TUBGCP4: variants seen among roughly 807,000 people sequenced by gnomAD.
The protein encoded by TUBGCP4 is gamma-tubulin complex component 4.
A neutral mutation model predicts 91.6 loss-of-function variants in TUBGCP4; 54 were observed. The ratio of observed to expected loss-of-function variants is 0.59; its 90% CI spans 0.47 to 0.74. The LOEUF is 0.74. Ranked by LOEUF, TUBGCP4 falls within the 30% of genes least tolerant of loss-of-function variation. The pLI, the probability that TUBGCP4 is intolerant of heterozygous loss-of-function variation, is 0.00. For missense variants in TUBGCP4, 593 were observed against 800.9 expected, an observed-to-expected ratio of 0.74 and a Z score of 3.13; for synonymous variants, 297 against 302.8, an observed-to-expected ratio of 0.98 and a Z score of 0.20.
In TUBGCP4 at chr15:43,409,603, C is replaced by CA. The variant is rs754724534; in HGVS notation, c.*4389_*4390insA. On this transcript the variant is annotated 3_prime_UTR_variant, in exon 18 of 18. Coordinates refer to ENST00000564079, the MANE Select transcript of TUBGCP4 (RefSeq NM_014444.5). The stretch of plus-strand genomic sequence containing the variant: ...CTCTTCTCAACACAGCAAGTTGGCT[C>CA]TTATCATTGCCACTATATTAGGTTA... The CA allele has an allele frequency of 9.0e-7, 1 of 1,110,478 alleles. No individual in the cohort carries two copies. Among genetic ancestry groups the CA allele is most frequent in the South Asian group, 1.7e-5 (1 of 59,324 alleles). The allele number at this position is 1,110,478 out of a possible 1,614,324, so 68.8% of individuals were successfully genotyped here.
chr15:43,376,107 G>A lies in TUBGCP4; in HGVS notation c.88G>A (p.Asp30Asn). ...NKRSGLQVSQDFPFLHPSETS... is the reference protein window; with the variant it reads ...NKRSGLQVSQNFPFLHPSETS... ...GTTCCTCTTCCTGCAGGTATCGCAG[G>A]ACTTCCCTTTCCTCCACCCCAGTGA... The change falls in exon 2 of 18, where the codon GAC becomes AAC. Residue 30 changes from aspartate to asparagine, a missense_variant. Asp to Asn is a conservative substitution (Grantham distance 23). Coordinates refer to ENST00000564079, the MANE Select transcript of TUBGCP4 (RefSeq NM_014444.5). 6.2e-7 allele frequency: 1 copy of A among 1,613,494 alleles called. No individual in the cohort carries two copies.
At chr15:43,388,213 AACAG>A (rs1328567507) in intron 9 of TUBGCP4, among the ~76,000 whole-genome samples, 2 of 152,292 alleles carry the variant, frequency 1.3e-5, no homozygotes, top group African/African-American at 4.8e-5. Flanking sequence ...GGGTTTTTGA[AACAG>A]ACAGGACTAA....
Position 43,403,770 on chromosome 15 carries a change from G to A in TUBGCP4, c.1819G>A (p.Gly607Arg). Reference sequence around the variant, plus strand: ...GAACCTAGGCCCACTGGATGAGCGTGGAGCCGCCCAGCTGAGCATTCTCGT... The same window carrying A: ...GAACCTAGGCCCACTGGATGAGCGTAGAGCCGCCCAGCTGAGCATTCTCGT... ...SQNLGPLDER[G>R]AAQLSILVKG... Residue 607 changes from glycine (G) to arginine (R), a missense_variant, in exon 16 of 18, where the codon GGA becomes AGA. Gly to Arg is a moderately radical substitution (Grantham distance 125). Transcript: ENST00000564079. 6.2e-7 allele frequency: 1 copy of A among 1,613,918 alleles called. No homozygotes were observed. The highest frequency in any genetic ancestry group is 1.1e-5 in the South Asian group (1 of 91,052).
chr15:43,380,035 A>G (rs2044264391), intron 5 of TUBGCP4, 49 bp from the exon 6 acceptor site: 1 of 1,563,234 alleles, frequency 6.4e-7, no homozygotes, highest in East Asian at 2.2e-5. Context: ...TGTGTCTTGC[A>G]TGGACTCTTA....
At chr15:43,395,528 A>C in intron 10 of TUBGCP4, 55 bp from the exon 11 acceptor site, 1 of 1,251,210 alleles carries the variant, frequency 8.0e-7, no homozygotes, top group Non-Finnish European at 1.2e-6. Context: ...TCCTCAGGAC[A>C]GTGAGGAGCT....
At chr15:43,385,471 CCTGG>C in intron 7 of TUBGCP4, 2 of 455,452 alleles carry the variant, frequency 4.4e-6, no homozygotes, top group Admixed American at 5.7e-5. Flanking sequence ...AGAGAGAAGA[CCTGG>C]AAAACAAAAA....
In TUBGCP4 at chr15:43,405,315, G is replaced by A; in HGVS notation, c.*101G>A. On this transcript the variant is annotated 3_prime_UTR_variant, in exon 18 of 18. Coordinates refer to ENST00000564079, the MANE Select transcript of TUBGCP4 (RefSeq NM_014444.5). ...AGCCACACACAAATAAATATCTGCG[G>A]CTTAGTGATAGGACTCTACCTTTTC... 1.5e-6 allele frequency: 2 copies of A among 1,379,070 alleles called. No homozygotes were observed. The highest frequency in any genetic ancestry group is 2.1e-6 in the Non-Finnish European group (2 of 972,950). The allele number at this position is 1,379,070 out of a possible 1,614,324, so 85.4% of individuals were successfully genotyped here.
At chr15:43,385,635 C>G (rs558422953) in intron 7 of TUBGCP4, 156 bp from the exon 8 acceptor site, 1 of 693,744 alleles carries the variant, frequency 1.4e-6, no homozygotes, top group African/African-American at 1.8e-5. Flanking sequence ...TGAAATACAT[C>G]TCTCCAAAAT....
rs982295416 is a variant in TUBGCP4, at chr15:43,376,540, A to G, written c.245A>G (p.His82Arg). ...HPSQQGQGGL[H>R]GIYLRAFCTG... is the part of the protein sequence containing the mutation. ...TCTCAACAGGGCCAAGGTGGGTTAC[A>G]TGGAATCTACCTGCGGGCCTTCTGC... Residue 82 changes from histidine (H) to arginine (R), a missense_variant, in exon 3 of 18, where the codon CAT (histidine) becomes CGT (arginine). Physicochemically the swap from His to Arg is conservative, Grantham distance 29. Coordinates refer to ENST00000564079, the MANE Select transcript of TUBGCP4 (RefSeq NM_014444.5). The G allele has an allele frequency of 5.0e-6, 8 of 1,614,198 alleles. No individual in the cohort carries two copies. The highest frequency in any genetic ancestry group is 5.9e-6 in the Non-Finnish European group (7 of 1,180,036).
chr15:43,400,351 T>C (rs1285470844), intron 14 of TUBGCP4, 130 bp downstream of exon 14: 2 of 603,746 alleles, frequency 3.3e-6, no homozygotes, highest in East Asian at 2.8e-5. Flanking sequence ...TCAGGAGTTA[T>C]ATCACCAAGC....
intron 1 of TUBGCP4, among the ~76,000 whole-genome samples, chr15:43,373,604 A>G (rs1289039582): frequency 1.3e-5 from 2 of 151,820 alleles, no homozygotes; most frequent in Non-Finnish European, 2.9e-5. Flanking sequence ...GAGGCAACTC[A>G]GGGATTCAAA....
chr15:43,401,552 C>T (rs563625637), intron 14 of TUBGCP4, among the ~76,000 whole-genome samples, 164 bp from the exon 15 acceptor site: 1 of 152,120 alleles, frequency 6.6e-6, no homozygotes, highest in South Asian at 2.1e-4. Flanking sequence ...TAACTTCCTA[C>T]AAGGCTGGGC....
chr15:43,375,637 GAATGAAAAC>G (rs976647131), intron 1 of TUBGCP4, among the ~76,000 whole-genome samples: 6 of 152,196 alleles, frequency 3.9e-5, no homozygotes, highest in South Asian at 2.1e-4. Context: ...ATTTTTACTG[GAATGAAAAC>G]AATGAAAACT....
chr15:43,403,507 C>T (rs1030258315), intron 15 of TUBGCP4, 176 bp from the exon 16 acceptor site: 22 of 567,698 alleles, frequency 3.9e-5, no homozygotes, highest in South Asian at 1.1e-4. Context: ...ATTTGTTTTA[C>T]GCATTTTGTG....
At chr15:43,376,043 C>G in intron 1 of TUBGCP4, 55 bp from the exon 2 acceptor site, 13 of 1,603,622 alleles carry the variant, frequency 8.1e-6, no homozygotes, top group Non-Finnish European at 1.1e-5. Flanking sequence ...TTTGAAGCAC[C>G]TGAAAGTTGG....
intron 6 of TUBGCP4, among the ~76,000 whole-genome samples, chr15:43,382,795 C>G (rs1384738083): frequency 6.6e-6 from 1 of 152,060 alleles, no homozygotes; most frequent in Non-Finnish European, 1.5e-5. Context: ...ATCTGAATAT[C>G]CTATTCCCCA....
At position 43,409,206 on chromosome 15, in the gene TUBGCP4, C is replaced by A; in HGVS notation, c.*3992C>A. On this transcript the variant is annotated 3_prime_UTR_variant, in exon 18 of 18. Transcript: ENST00000564079. ...AGATCTGAAGACTCCCAACTACTACCCAAAATGTGATTTAGTCTATCCTGC... is the reference window on the plus strand; with the variant it reads ...AGATCTGAAGACTCCCAACTACTACACAAAATGTGATTTAGTCTATCCTGC... 1.0e-6 allele frequency: 1 copy of A among 968,394 alleles called. No individual in the cohort carries two copies. The highest frequency in any genetic ancestry group is 1.6e-6 in the Non-Finnish European group (1 of 631,436). 60.0% of individuals were successfully genotyped at this position (968,394 alleles called of 1,614,324 possible). A position where few individuals can be genotyped will look rare whatever the true frequency, so the allele number is the denominator to read the frequency against.
Position 43,406,803 on chromosome 15 carries a change from G to A in TUBGCP4, c.*1589G>A, listed in dbSNP as rs2044907700. The A allele has an allele frequency of 7.4e-5, 26 of 349,208 alleles. No individual in the cohort carries two copies. Among genetic ancestry groups the A allele is most frequent in the South Asian group, 5.6e-4 (24 of 42,590 alleles). The allele number at this position is 349,208 out of a possible 1,614,324, so 21.6% of individuals were successfully genotyped here. On this transcript the variant is annotated 3_prime_UTR_variant, in exon 18 of 18. Transcript: ENST00000564079. ...ATCTTACGGAAGGTCATTCCATCAA[G>A]CTTATGGTCACTGTCCCTTCATGGC... is the stretch of plus-strand genomic sequence containing the variant.
At chr15:43,393,617 C>T (rs1363235511) in intron 9 of TUBGCP4, among the ~76,000 whole-genome samples, 4 of 151,838 alleles carry the variant, frequency 2.6e-5, no homozygotes, top group Non-Finnish European at 5.9e-5. Context: ...CTACAACAGT[C>T]CCCGGTGTGT....
Sources: gnomAD v4.1 joint callset for allele counts (sites outside exome capture counted in the v4.1 genomes callset) on GRCh38, gnomAD v4.1.1 for gene constraint, MANE v1.5 for transcripts, NCBI Gene and HGNC (gene_info 2026-07-23, HGNC 2026-07-21) for gene names.